The following PIK3C2A variants were observed in gnomAD, a reference collection of about 807,000 sequenced individuals.
The protein encoded by PIK3C2A is phosphatidylinositol 4-phosphate 3-kinase C2 domain-containing subunit alpha.
In PIK3C2A, 97 loss-of-function variants were observed where a neutral mutation model predicts 204.5. The ratio of observed to expected loss-of-function variants is 0.47; its 90% CI spans 0.40 to 0.56. PIK3C2A has a LOEUF of 0.56. PIK3C2A is among the 20% of genes least tolerant of loss of function. The pLI is 0.00. For synonymous variants in PIK3C2A, 653 were observed against 664.4 expected (o/e 0.98, Z 0.26); for missense variants, 1,735 against 1,969.2 (o/e 0.88, Z 2.25).
intron 1 of PIK3C2A, among the ~76,000 whole-genome samples, chr11:17,191,174 C>T (rs1380610747): frequency 1.3e-5 from 2 of 152,122 alleles, no homozygotes. Context: ...ATTTTACATC[C>T]TACCTATTAA....
intron 3 of PIK3C2A, among the ~76,000 whole-genome samples, chr11:17,155,047 C>T (rs1040072700): frequency 2.6e-5 from 4 of 152,146 alleles, no homozygotes; most frequent in African/African-American, 9.7e-5. Flanking sequence ...AGTTTCCTCA[C>T]CTATAATGAA....
At chr11:17,207,525 G>A (rs1341288411) in intron 1 of PIK3C2A, among the ~76,000 whole-genome samples, 1 of 151,450 alleles carries the variant, frequency 6.6e-6, no homozygotes, top group Non-Finnish European at 1.5e-5. Context: ...GCCGGCGGCC[G>A]GGGGGCCTGC....
At chr11:17,160,264 A>G (rs1249172085) in intron 2 of PIK3C2A, among the ~76,000 whole-genome samples, 1 of 152,230 alleles carries the variant, frequency 6.6e-6, no homozygotes, top group African/African-American at 2.4e-5. Flanking sequence ...CATTATTAAA[A>G]ACAACCAAGA....
chr11:17,176,103 A>T (rs1001323697), intron 1 of PIK3C2A, among the ~76,000 whole-genome samples: 1 of 151,410 alleles, frequency 6.6e-6, no homozygotes, highest in Non-Finnish European at 1.5e-5. Context: ...TCCCGGATTC[A>T]GGGAATTCTC....
chr11:17,176,274 T>G (rs915937655), intron 1 of PIK3C2A, among the ~76,000 whole-genome samples: 5 of 151,842 alleles, frequency 3.3e-5, no homozygotes, highest in Non-Finnish European at 7.4e-5. Flanking sequence ...CCCAAAGTGC[T>G]GGGATTACAG....
chr11:17,094,280 GA>G lies in PIK3C2A; in HGVS notation c.4431del (p.Pro1478HisfsTer14). ...QELHNKLSIIFPLWKLPGFPN... is the reference protein window; with the variant it reads ...QELHNKLSIIXPLWKLPGFPN... ...ACATACCCTGGTAACTTCCAAAGTG[GA>G]AAAATAATACTGAGCTTATTGTGAA... On this transcript the variant is annotated frameshift_variant, in exon 28 of 33. Coordinates refer to ENST00000691414, the MANE Select transcript of PIK3C2A (RefSeq NM_002645.4). LOFTEE classifies it high-confidence loss of function. 6.2e-7 allele frequency: 1 copy of G among 1,610,460 alleles called. No individual in the cohort carries two copies. The highest frequency in any genetic ancestry group is 8.5e-7 in the Non-Finnish European group (1 of 1,177,110).
intron 6 of PIK3C2A, among the ~76,000 whole-genome samples, chr11:17,146,395 C>G (rs1850244359): frequency 1.3e-5 from 2 of 152,114 alleles, no homozygotes; most frequent in African/African-American, 4.8e-5. Context: ...TACCCTAAGT[C>G]TACATTACGC....
chr11:17,195,313 T>C (rs1301548512), intron 1 of PIK3C2A, among the ~76,000 whole-genome samples: 1 of 151,802 alleles, frequency 6.6e-6, no homozygotes, highest in African/African-American at 2.4e-5. Context: ...CTCAGGAGGC[T>C]GAGGCAGGAG....
rs752954248 is a variant in PIK3C2A, at chr11:17,122,799, C to G, written c.2414G>C (p.Gly805Ala). The G allele has an allele frequency of 2.8e-6, 4 of 1,441,290 alleles. No homozygotes were observed. Among genetic ancestry groups the G allele is most frequent in the Non-Finnish European group, 3.8e-6 (4 of 1,040,868 alleles). The allele number at this position is 1,441,290 out of a possible 1,614,324, so 89.3% of individuals were successfully genotyped here. A position where few individuals can be genotyped will look rare whatever the true frequency, so the allele number is the denominator to read the frequency against. The part of the protein sequence containing the change: ...LFDFKRFLTC[G>A]TKLLYLWTSS... ...AGTCCAAAGATATAGAAGTTTAGTT[C>G]CACATGTTAAAAACCTTCACGGATG... The change falls in exon 14 of 33, where the codon GGA becomes GCA. Residue 805 changes from glycine (G) to alanine (A), a missense_variant. Gly to Ala is a moderately conservative substitution (Grantham distance 60). Coordinates refer to ENST00000691414, the MANE Select transcript of PIK3C2A (RefSeq NM_002645.4).
At chr11:17,171,903 C>T (rs918487466) in intron 1 of PIK3C2A, among the ~76,000 whole-genome samples, 4 of 152,128 alleles carry the variant, frequency 2.6e-5, no homozygotes, top group African/African-American at 7.2e-5. Context: ...CTGGCTCTTA[C>T]AATTTACTTT....
chr11:17,201,877 A>T (rs1852398714), intron 1 of PIK3C2A, among the ~76,000 whole-genome samples: 1 of 152,212 alleles, frequency 6.6e-6, no homozygotes, highest in Non-Finnish European at 1.5e-5. Context: ...CAAAGGCAGG[A>T]AGTAACTATT....
Position 17,089,608 on chromosome 11 carries a change from A to G in PIK3C2A, c.*130T>C, listed in dbSNP as rs1158651326. The G allele has an allele frequency of 1.9e-5, 11 of 593,674 alleles. No individual in the cohort carries two copies. The highest frequency in any genetic ancestry group is 3.2e-5 in the Admixed American group (1 of 31,232). 36.8% of individuals were successfully genotyped at this position (593,674 alleles called of 1,614,324 possible). A position where few individuals can be genotyped will look rare whatever the true frequency, so the allele number is the denominator to read the frequency against. On this transcript the variant is annotated 3_prime_UTR_variant, in exon 33 of 33. Coordinates refer to ENST00000691414, the MANE Select transcript of PIK3C2A (RefSeq NM_002645.4). ...AAATGCAGCAAGTATATTTAACTTT[A>G]TAAGTTCTGTCCAAGTATAAAAATA...
chr11:17,134,578 C>T (rs1435789230), intron 11 of PIK3C2A, among the ~76,000 whole-genome samples: 1 of 152,210 alleles, frequency 6.6e-6, no homozygotes, highest in Admixed American at 6.5e-5. Flanking sequence ...TCAGGCTGGT[C>T]TCGAACTCCT....
chr11:17,155,695 G>A lies in PIK3C2A; in HGVS notation c.1066-66C>T, dbSNP rs555927204. On this transcript the variant is annotated intron_variant, in intron 2 of 32. Coordinates refer to ENST00000691414, the MANE Select transcript of PIK3C2A (RefSeq NM_002645.4). ...CCACAAAATGCTACATAGCAGCACA[G>A]CACAAACACATTTTTATGAAAATAT... is the stretch of plus-strand genomic sequence containing the variant. 45 of 779,830 alleles carry A rather than the reference G, an allele frequency of 5.8e-5. 1 individual carries two copies. The South Asian group carries it at 6.7e-4, about 12-fold the overall frequency. 48.3% of individuals were successfully genotyped at this position (779,830 alleles called of 1,614,324 possible). A position where few individuals can be genotyped will look rare whatever the true frequency, so the allele number is the denominator to read the frequency against.
intron 1 of PIK3C2A, among the ~76,000 whole-genome samples, chr11:17,180,435 T>A (rs1257592604): frequency 6.6e-6 from 1 of 151,154 alleles, no homozygotes; most frequent in African/African-American, 2.4e-5. Flanking sequence ...CAAGAAAAAA[T>A]TTTTGCTATT....
At chr11:17,114,523 G>A in intron 19 of PIK3C2A, 58 bp from the exon 20 acceptor site, 3 of 805,354 alleles carry the variant, frequency 3.7e-6, no homozygotes, top group Non-Finnish European at 6.4e-6. Flanking sequence ...CTATTTTTCA[G>A]ACAAGTTATG....
chr11:17,152,221 T>C (rs2137439205), intron 3 of PIK3C2A, among the ~76,000 whole-genome samples: 1 of 152,314 alleles, frequency 6.6e-6, no homozygotes, highest in Non-Finnish European at 1.5e-5. Flanking sequence ...TTGTTACGTA[T>C]ATTTTATCAC....
In PIK3C2A at chr11:17,089,102, G is replaced by A. The variant is rs1443639600; in HGVS notation, c.*636C>T. 1 of 152,152 alleles carries A rather than the reference G, an allele frequency of 6.6e-6. No individual in the cohort carries two copies. Among genetic ancestry groups the A allele is most frequent in the African/African-American group, 2.4e-5 (1 of 41,440 alleles). 9.4% of individuals were successfully genotyped at this position (152,152 alleles called of 1,614,324 possible). A position where few individuals can be genotyped will look rare whatever the true frequency, so the allele number is the denominator to read the frequency against. ...AAAAAATCAGAAACGAAGTGCCAGG[G>A]AAGCATATAAAGTTAAGGCACCATT... is the stretch of plus-strand genomic sequence containing the variant. On this transcript the variant is annotated 3_prime_UTR_variant, in exon 33 of 33. Transcript: ENST00000691414.
intron 21 of PIK3C2A, among the ~76,000 whole-genome samples, chr11:17,111,535 C>T (rs1848999248): frequency 6.6e-6 from 1 of 152,056 alleles, no homozygotes; most frequent in Non-Finnish European, 1.5e-5. Flanking sequence ...CATTCTGAGA[C>T]TAGCCAAGAA....
Sources: allele counts gnomAD v4.1 joint callset (sites outside exome capture counted in the v4.1 genomes callset), GRCh38; gene constraint gnomAD v4.1.1; transcripts MANE v1.5; gene names NCBI Gene and HGNC (gene_info 2026-07-23, HGNC 2026-07-21).